Variants in POLR1E observed in about 807,000 individuals in gnomAD.
The protein encoded by POLR1E is RNA polymerase I subunit E, also known as DNA-directed RNA polymerase I subunit RPA49.
In POLR1E, 37 loss-of-function variants were observed where a neutral mutation model predicts 50.9. The observed-to-expected ratio is 0.73, with a 90% CI of 0.56 to 0.96. The LOEUF is 0.96. Among genes scored for constraint, POLR1E ranks in the 40% least tolerant of loss-of-function variants. POLR1E has a pLI of 0.00. For missense variants in POLR1E, 426 were observed against 518.1 expected (o/e 0.82, Z 1.73); for synonymous variants, 166 against 191.6 (o/e 0.87, Z 1.10).
chr9:37,500,709 G>T, intron 9 of POLR1E, 131 bp from the exon 10 acceptor site: 1 of 654,650 alleles, frequency 1.5e-6, no homozygotes, highest in Non-Finnish European at 2.7e-6. Flanking sequence ...CTTTGTGTGG[G>T]CCCTGCTTCT....
Position 37,487,671 on chromosome 9 carries a change from G to T in POLR1E, c.181-192G>T, listed in dbSNP as rs926713561. ...ATCTGAGGCTTCTCTTCCAGAAGTC[G>T]TCTTGCTTCCCCTGCAGGGACACCC... On this transcript the variant is annotated intron_variant, in intron 2 of 11. Transcript: ENST00000377798. Among the ~76,000 whole-genome samples the T allele has an allele frequency of 2.6e-5, 4 of 152,178 alleles. No individual in the cohort carries two copies. The East Asian group carries it at 5.8e-4, about 22-fold the overall frequency.
In POLR1E at chr9:37,486,508, G is replaced by A. The variant is rs772153945; in HGVS notation, c.77-195G>A. On this transcript the variant is annotated intron_variant, in intron 1 of 11. Coordinates refer to ENST00000377798, the MANE Select transcript of POLR1E (RefSeq NM_022490.4). ...CCCTCCTGTCACAGCCCCTCCCCAG[G>A]GTTCTCCCACCTCCCTACCTCCTCT... 1.9e-6 allele frequency: 3 copies of A among 1,555,682 alleles called. No homozygotes were observed. In the South Asian group the frequency reaches 3.5e-5, roughly 18 times the overall value.
At chr9:37,491,829 C>A (rs749294933) in intron 4 of POLR1E, among the ~76,000 whole-genome samples, 45 of 152,252 alleles carry the variant, frequency 3.0e-4, no homozygotes, top group Middle Eastern at 6.8e-3. Flanking sequence ...TCCTAGGTGT[C>A]CCCCTGCTTT....
In POLR1E at chr9:37,503,253, G is replaced by A. The variant is rs1035866779; in HGVS notation, c.*51G>A. On this transcript the variant is annotated 3_prime_UTR_variant, in exon 12 of 12. Transcript: ENST00000377798. ...TTGGCTGCATCACAGCCACTGGCTG[G>A]TCCTATTCATTTCCATTTTTATGTA... The A allele has an allele frequency of 1.3e-6, 2 of 1,523,090 alleles. No individual in the cohort carries two copies. The highest frequency in any genetic ancestry group is 8.8e-7 in the Non-Finnish European group (1 of 1,136,280). The allele number at this position is 1,523,090 out of a possible 1,614,324, so 94.3% of individuals were successfully genotyped here. A position where few individuals can be genotyped will look rare whatever the true frequency, so the allele number is the denominator to read the frequency against.
At chr9:37,492,152 A>G in intron 4 of POLR1E, 1 of 713,548 alleles carries the variant, frequency 1.4e-6, no homozygotes, top group Non-Finnish European at 2.0e-6. Flanking sequence ...GATGGCTGAG[A>G]TAACAGGCAA....
chr9:37,493,828 T>TG (rs1386200049), intron 6 of POLR1E, 125 bp downstream of exon 6: 1 of 1,033,594 alleles, frequency 9.7e-7, no homozygotes, highest in Non-Finnish European at 1.3e-6. Context: ...AGCCTCTTGC[T>TG]GAAGGCCTTC....
At chr9:37,493,734 GC>G in intron 6 of POLR1E, 31 bp downstream of exon 6, 2 of 1,445,364 alleles carry the variant, frequency 1.4e-6, no homozygotes, top group Non-Finnish European at 1.8e-6. Flanking sequence ...CTAAGAGTCT[GC>G]CCATAATGAC....
At chr9:37,500,525 C>G (rs773322711) in intron 9 of POLR1E, among the ~76,000 whole-genome samples, 15 of 152,194 alleles carry the variant, frequency 9.9e-5, no homozygotes, top group Admixed American at 2.0e-4. Context: ...ACCTTTCCCC[C>G]TCTCTCCCTG....
At chr9:37,498,050 C>A (rs1432432264) in intron 8 of POLR1E, 41 bp from the exon 9 acceptor site, 1 of 1,603,828 alleles carries the variant, frequency 6.2e-7, no homozygotes, top group South Asian at 1.1e-5. Context: ...CAGAGCCCAT[C>A]TTACCCTGAC....
At chr9:37,501,194 A>G (rs1222735800) in intron 10 of POLR1E, among the ~76,000 whole-genome samples, 1 of 152,256 alleles carries the variant, frequency 6.6e-6, no homozygotes, top group Non-Finnish European at 1.5e-5. Flanking sequence ...ATACTTTTGA[A>G]TAGCCCTTCC....
Position 37,500,929 on chromosome 9 carries a change from G to T in POLR1E, c.968+8G>T. The T allele has an allele frequency of 6.2e-7, 1 of 1,608,778 alleles. No individual in the cohort carries two copies. Among genetic ancestry groups the T allele is most frequent in the Non-Finnish European group, 8.5e-7 (1 of 1,175,528 alleles). On this transcript the variant is annotated splice_region_variant and intron_variant, in intron 10 of 11. Transcript: ENST00000377798. Reference sequence around the variant, plus strand: ...GACCTACAACAATGGCAGGTCAGGGGGTGGTTGCTGGGATTTTTCTTGTGC... The same window carrying T: ...GACCTACAACAATGGCAGGTCAGGGTGTGGTTGCTGGGATTTTTCTTGTGC...
chr9:37,497,826 G>A (rs74553341), intron 8 of POLR1E, among the ~76,000 whole-genome samples: 32,707 of 151,838 alleles, frequency 0.22, 3,686 homozygotes, highest in East Asian at 0.26. Context: ...GTACAGTGGC[G>A]CAGACAGCTC....
rs1820821924 is a variant in POLR1E at position 37,498,370 on chromosome 9, AC to A, written c.886+147del. On this transcript the variant is annotated intron_variant, in intron 9 of 11. Coordinates refer to ENST00000377798, the MANE Select transcript of POLR1E (RefSeq NM_022490.4). The stretch of plus-strand genomic sequence containing the variant: ...TGTGAGATTCATTCTGGTACTGCTG[AC>A]ATGTCGAGGGGACTTGCCAGGCCCC... The A allele has an allele frequency of 2.8e-5, 26 of 937,410 alleles. No homozygotes were observed. The South Asian group carries it at 4.7e-4, about 17-fold the overall frequency. 58.1% of individuals were successfully genotyped at this position (937,410 alleles called of 1,614,324 possible).
In POLR1E at chr9:37,487,914, G is replaced by A. The variant is rs1200081550; in HGVS notation, c.232G>A (p.Ala78Thr). 2 of 1,614,178 alleles carry A rather than the reference G, an allele frequency of 1.2e-6. No individual in the cohort carries two copies. The highest frequency in any genetic ancestry group is 3.3e-5 in the Admixed American group (2 of 60,032). ...TGTGGGAAACAATTTTGGGACTGGAGCCCTCAAATGCAACACTTTGTGCAG... is the reference window on the plus strand; with the variant it reads ...TGTGGGAAACAATTTTGGGACTGGAACCCTCAAATGCAACACTTTGTGCAG... ...SYVGNNFGTG[A>T]LKCNTLCRHF... Residue 78 changes from alanine to threonine, a missense_variant, in exon 3 of 12, where the codon GCC becomes ACC. Physicochemically the swap from Ala to Thr is moderately conservative, Grantham distance 58. Coordinates refer to ENST00000377798, the MANE Select transcript of POLR1E (RefSeq NM_022490.4).
Position 37,492,271 on chromosome 9 carries a change from C to T in POLR1E, c.344-386C>T, listed in dbSNP as rs1265449330. 2.3e-6 allele frequency: 3 copies of T among 1,290,744 alleles called. No individual in the cohort carries two copies. The African/African-American group carries it at 4.5e-5, about 20-fold the overall frequency. The allele number at this position is 1,290,744 out of a possible 1,614,324, so 80.0% of individuals were successfully genotyped here. On this transcript the variant is annotated intron_variant, in intron 4 of 11. Coordinates refer to ENST00000377798, the MANE Select transcript of POLR1E (RefSeq NM_022490.4). Reference sequence around the variant, plus strand: ...AAGTACCACATACCTCATGTTTATGCCTGCTTTTAGGTCTTTCACCAAGAA... The same window carrying T: ...AAGTACCACATACCTCATGTTTATGTCTGCTTTTAGGTCTTTCACCAAGAA...
chr9:37,501,675 T>C (rs1167304709), intron 10 of POLR1E, 38 bp from the exon 11 acceptor site: 2 of 1,598,386 alleles, frequency 1.3e-6, no homozygotes, highest in Admixed American at 1.8e-5. Context: ...GTCTGAGAGT[T>C]TAATTTTGTT....
intron 4 of POLR1E, chr9:37,492,301 A>G (rs1357886963): frequency 2.3e-6 from 3 of 1,296,848 alleles, no homozygotes; most frequent in Non-Finnish European, 3.0e-6. Context: ...CAAGAAAGCA[A>G]AATTATTTTC....
At chr9:37,487,574 C>T (rs1004796978) in intron 2 of POLR1E, among the ~76,000 whole-genome samples, 2 of 152,068 alleles carry the variant, frequency 1.3e-5, no homozygotes, top group Non-Finnish European at 2.9e-5. Flanking sequence ...TGCCAGAAGC[C>T]CAGGGCCTCT....
In POLR1E at chr9:37,498,177, TG is replaced by T; in HGVS notation, c.841del (p.Asp281IlefsTer11). On this transcript the variant is annotated frameshift_variant, in exon 9 of 12. Coordinates refer to ENST00000377798, the MANE Select transcript of POLR1E (RefSeq NM_022490.4). LOFTEE classifies it high-confidence loss of function. ...RDRQARCIWF[L>X]DTLIKFRAHR... The stretch of plus-strand genomic sequence containing the variant: ...CGCCAGGCCCGATGCATATGGTTTC[TG>T]GATACCCTCATCAAATTTCGAGCTC... 2.5e-6 allele frequency: 4 copies of T among 1,614,134 alleles called. No homozygotes were observed. The highest frequency in any genetic ancestry group is 3.4e-6 in the Non-Finnish European group (4 of 1,179,968).
Sources: gnomAD v4.1 joint callset for allele counts (sites outside exome capture counted in the v4.1 genomes callset) on GRCh38, gnomAD v4.1.1 for gene constraint, MANE v1.5 for transcripts, NCBI Gene and HGNC (gene_info 2026-07-23, HGNC 2026-07-21) for gene names.